Variants in SLCO4C1 observed in about 807,000 individuals in gnomAD.
SLCO4C1 encodes the protein solute carrier organic anion transporter family member 4C1.
A neutral mutation model predicts 72.1 loss-of-function variants in SLCO4C1; 58 were observed. That is an observed-to-expected ratio of 0.80 (90% confidence interval 0.65 to 1.00). The LOEUF is 1.00. Ranked by LOEUF, SLCO4C1 falls within the 50% of genes least tolerant of loss-of-function variation. The pLI, the probability that SLCO4C1 is intolerant of heterozygous loss-of-function variation, is 0.00. For missense variants in SLCO4C1, 898 were observed against 857.9 expected (o/e 1.05, Z -0.58); for synonymous variants, 297 against 312.5 (o/e 0.95, Z 0.52).
intron 12 of SLCO4C1, among the ~76,000 whole-genome samples, 156 bp downstream of exon 12, chr5:102,239,095 G>A (rs1395164055): frequency 6.6e-6 from 1 of 152,088 alleles, no homozygotes; most frequent in Non-Finnish European, 1.5e-5. Context: ...ATAACATGCT[G>A]TGATAAATGT....
Position 102,248,287 on chromosome 5 carries a change from T to TAAGAAAAATATTGTGGATCAATTGATA in SLCO4C1, c.1621-846_1621-845insTATCAATTGATCCACAATATTTTTCTT, listed in dbSNP as rs1268506978. ...TATATTGCCTATCTGAAATATTTCA[T>TAAGAAAAATATTGTGGATCAATTGATA]AAGAAAAATATTGTGGATCAATTGA... On this transcript the variant is annotated intron_variant, in intron 9 of 12. Transcript: ENST00000310954. Among the ~76,000 whole-genome samples, 3 of 152,124 alleles carry TAAGAAAAATATTGTGGATCAATTGATA rather than the reference T, an allele frequency of 2.0e-5. No homozygotes were observed. In the East Asian group the frequency reaches 5.8e-4, roughly 29 times the overall value.
intron 1 of SLCO4C1, among the ~76,000 whole-genome samples, chr5:102,292,590 A>G (rs1201258467): frequency 1.3e-5 from 2 of 152,136 alleles, no homozygotes; most frequent in Non-Finnish European, 2.9e-5. Context: ...GAGCAAAAGT[A>G]AACATAAGTC....
At chr5:102,292,676 A>G (rs567219677) in intron 1 of SLCO4C1, among the ~76,000 whole-genome samples, 6 of 152,294 alleles carry the variant, frequency 3.9e-5, no homozygotes, top group Admixed American at 1.3e-4. Flanking sequence ...ATAGTGAAGG[A>G]ATAGAAGGTA....
intron 3 of SLCO4C1, among the ~76,000 whole-genome samples, chr5:102,266,018 T>G (rs1749031905): frequency 1.3e-5 from 2 of 152,158 alleles, no homozygotes; most frequent in African/African-American, 4.8e-5. Context: ...CCTTTAAAGA[T>G]TCTCGCCTCC....
chr5:102,275,730 G>A lies in SLCO4C1; in HGVS notation c.620-4924C>T, dbSNP rs181082002. On this transcript the variant is annotated intron_variant, in intron 2 of 12. Coordinates refer to ENST00000310954, the MANE Select transcript of SLCO4C1 (RefSeq NM_180991.5). The stretch of plus-strand genomic sequence containing the variant: ...TGCTTCGTAAATCTTCTTGGTTCTC[G>A]AATAACAAGTGGAATAATCACTTAT... Among the ~76,000 whole-genome samples, 66 of 152,178 alleles carry A rather than the reference G, an allele frequency of 4.3e-4. No homozygotes were observed. The East Asian group carries it at 0.01, about 24-fold the overall frequency.
In SLCO4C1 at chr5:102,295,957, G is replaced by T; in HGVS notation, c.306C>A (p.Asn102Lys). ...NFHPQCLQRCNTPGGFLLHYC... is the reference protein window; with the variant it reads ...NFHPQCLQRCKTPGGFLLHYC... ...AGTGAAGCAGAAAGCCTCCAGGTGT[G>T]TTGCAGCGCTGGAGACATTGAGGAT... The change falls in exon 1 of 13, where the codon AAC (asparagine) becomes AAA (lysine). Residue 102 changes from asparagine (N) to lysine (K), a missense_variant. Coordinates refer to ENST00000310954, the MANE Select transcript of SLCO4C1 (RefSeq NM_180991.5). The T allele has an allele frequency of 6.2e-7, 1 of 1,614,258 alleles. No homozygotes were observed. The highest frequency in any genetic ancestry group is 2.2e-5 in the East Asian group (1 of 44,876).
At chr5:102,251,482 C>G (rs1288978435) in intron 8 of SLCO4C1, among the ~76,000 whole-genome samples, 2 of 151,864 alleles carry the variant, frequency 1.3e-5, no homozygotes, top group African/African-American at 2.4e-5. Context: ...AGAGGCTACT[C>G]AAGAGGCTTA....
intron 2 of SLCO4C1, among the ~76,000 whole-genome samples, chr5:102,272,424 T>C (rs1263485051): frequency 6.6e-6 from 1 of 152,124 alleles, no homozygotes; most frequent in Non-Finnish European, 1.5e-5. Flanking sequence ...GGTGGTCCTG[T>C]ATTATGAAAT....
chr5:102,276,204 C>T (rs1749243849), intron 2 of SLCO4C1, among the ~76,000 whole-genome samples: 2 of 152,188 alleles, frequency 1.3e-5, no homozygotes, highest in Non-Finnish European at 2.9e-5. Context: ...TGGAAGGACA[C>T]AGAATATCCA....
rs1008811671 is a variant in SLCO4C1, at chr5:102,268,642, C to A, written c.802+1982G>T. Among the ~76,000 whole-genome samples, 69 of 152,134 alleles carry A rather than the reference C, an allele frequency of 4.5e-4. 1 individual carries two copies. Among genetic ancestry groups the A allele is most frequent in the Non-Finnish European group, 9.1e-4 (62 of 67,956 alleles). On this transcript the variant is annotated intron_variant, in intron 3 of 12. Coordinates refer to ENST00000310954, the MANE Select transcript of SLCO4C1 (RefSeq NM_180991.5). ...ATTGTTTTCTGATTGTTTTATATAT[C>A]CTTTGTTCATTTCTTCCTCTCTCGT... is the stretch of plus-strand genomic sequence containing the variant.
chr5:102,261,870 A>C lies in SLCO4C1; in HGVS notation c.1021+42T>G, dbSNP rs1748949926. On this transcript the variant is annotated intron_variant, in intron 5 of 12. Transcript: ENST00000310954. ...ATATAGAAAATAGCAACTGGCCTAC[A>C]ATTAAAATAAACCTCTCTGGTTTTA... 3 of 1,563,380 alleles carry C rather than the reference A, an allele frequency of 1.9e-6. No homozygotes were observed. In the East Asian group the frequency reaches 6.9e-5, roughly 36 times the overall value.
intron 3 of SLCO4C1, among the ~76,000 whole-genome samples, chr5:102,267,448 G>A (rs1280324556): frequency 6.6e-6 from 1 of 151,832 alleles, no homozygotes; most frequent in Non-Finnish European, 1.5e-5. Flanking sequence ...TTGTTTTTCT[G>A]TGGTATCAGC....
In SLCO4C1 at chr5:102,237,775, T is replaced by G. The variant is rs1011651961; in HGVS notation, c.2015-757A>C. Among the ~76,000 whole-genome samples, 36 of 152,086 alleles carry G rather than the reference T, an allele frequency of 2.4e-4. 1 individual carries two copies. The highest frequency in any genetic ancestry group is 5.9e-5 in the Non-Finnish European group (4 of 68,012). ...AAAATAATTCTAAAAATTAAAAAGG[T>G]TTTGGAGTTCTTAAAGCCTCTGTGG... is the stretch of plus-strand genomic sequence containing the variant. On this transcript the variant is annotated intron_variant, in intron 12 of 12. Coordinates refer to ENST00000310954, the MANE Select transcript of SLCO4C1 (RefSeq NM_180991.5).
At position 102,254,484 on chromosome 5, in the gene SLCO4C1, G is replaced by A. The variant is rs187200362; in HGVS notation, c.1469+2631C>T. On this transcript the variant is annotated intron_variant, in intron 8 of 12. Coordinates refer to ENST00000310954, the MANE Select transcript of SLCO4C1 (RefSeq NM_180991.5). ...ATTGTTTCAGGACACCATGAACCAT[G>A]CCCCTTTAAGAAGTAAAATTTAATC... 8.5e-5 allele frequency among the ~76,000 whole-genome samples: 13 copies of A among 152,194 alleles called. No individual in the cohort carries two copies. In the East Asian group the frequency reaches 2.5e-3, roughly 29 times the overall value.
intron 8 of SLCO4C1, among the ~76,000 whole-genome samples, chr5:102,256,642 CAT>C (rs1748840371): frequency 6.6e-6 from 1 of 152,150 alleles, no homozygotes; most frequent in African/African-American, 2.4e-5. Flanking sequence ...TTACAATAAA[CAT>C]AAACTTCTAA....
rs1477948744 is a variant in SLCO4C1 at position 102,234,839 on chromosome 5, A to T, written c.*2019T>A. On this transcript the variant is annotated 3_prime_UTR_variant, in exon 13 of 13. Coordinates refer to ENST00000310954, the MANE Select transcript of SLCO4C1 (RefSeq NM_180991.5). ...TTTCTGGGCTCCAATAGGAAGCAGC[A>T]TTTACAACGTGTCTGGCTTGGTGGG... 1 of 152,176 alleles carries T rather than the reference A, an allele frequency of 6.6e-6. No homozygotes were observed. Among genetic ancestry groups the T allele is most frequent in the African/African-American group, 2.4e-5 (1 of 41,436 alleles). 9.4% of individuals were successfully genotyped at this position (152,176 alleles called of 1,614,324 possible).
intron 8 of SLCO4C1, 30 bp from the exon 9 acceptor site, chr5:102,249,818 T>C: frequency 1.2e-6 from 2 of 1,606,332 alleles, no homozygotes; most frequent in Non-Finnish European, 1.7e-6. Context: ...GAAGGGTAAA[T>C]GATCTGTCAT....
At chr5:102,270,541 G>C in intron 3 of SLCO4C1, 83 bp downstream of exon 3, 1 of 1,216,560 alleles carries the variant, frequency 8.2e-7, no homozygotes, top group East Asian at 2.7e-5. Flanking sequence ...TAACTTTTTA[G>C]TAAGCCTATG....
intron 2 of SLCO4C1, among the ~76,000 whole-genome samples, chr5:102,279,105 TAAGAAA>T (rs990937229): frequency 2.0e-5 from 3 of 151,644 alleles, no homozygotes; most frequent in African/African-American, 4.8e-5. Context: ...TGACAAAGAA[TAAGAAA>T]AAGTAGACAA....
Sources: gnomAD v4.1 joint callset for allele counts (sites outside exome capture counted in the v4.1 genomes callset) on GRCh38, gnomAD v4.1.1 for gene constraint, MANE v1.5 for transcripts, NCBI Gene and HGNC (gene_info 2026-07-23, HGNC 2026-07-21) for gene names.